The following MYLK variants were observed in gnomAD, a reference collection of about 807,000 sequenced individuals.
The protein encoded by MYLK is myosin light chain kinase, also known as myosin light chain kinase, smooth muscle.
Under a neutral mutation model 203.4 loss-of-function variants are expected in MYLK, and 106 were observed. The observed-to-expected ratio is 0.52, with a 90% CI of 0.45 to 0.61. The LOEUF (loss-of-function observed/expected upper bound fraction) is 0.61. Ranked by LOEUF, MYLK falls within the 20% of genes least tolerant of loss-of-function variation. The pLI, the probability that MYLK is intolerant of heterozygous loss-of-function variation, is 0.00. For missense variants in MYLK, 2,072 were observed against 2,442.3 expected (o/e 0.85, Z 3.20); for synonymous variants, 867 against 959.5 (o/e 0.90, Z 1.78).
At chr3:123,761,617 G>A (rs1278755489) in intron 4 of MYLK, among the ~76,000 whole-genome samples, 1 of 152,122 alleles carries the variant, frequency 6.6e-6, no homozygotes, top group Non-Finnish European at 1.5e-5. Context: ...GCTGCCCAAA[G>A]GCATCATGAT....
At chr3:123,882,903 G>C (rs2682229) in intron 1 of MYLK, among the ~76,000 whole-genome samples, 1 of 152,232 alleles carries the variant, frequency 6.6e-6, no homozygotes, top group South Asian at 2.1e-4. Flanking sequence ...AGAGAATCAC[G>C]GAAGAGAGAA....
chr3:123,681,967 T>C (rs1421080187), intron 20 of MYLK: 8 of 539,926 alleles, frequency 1.5e-5, no homozygotes, highest in South Asian at 9.9e-5. Flanking sequence ...GGGAGGTAGA[T>C]AGGAGCTCAG....
At chr3:123,725,437 T>C (rs1434585679) in intron 12 of MYLK, among the ~76,000 whole-genome samples, 1 of 152,202 alleles carries the variant, frequency 6.6e-6, no homozygotes, top group East Asian at 1.9e-4. Context: ...TCTATAGGAC[T>C]ATCAGTTTAA....
At chr3:123,694,137 G>A (rs931076941) in intron 18 of MYLK, among the ~76,000 whole-genome samples, 1 of 152,212 alleles carries the variant, frequency 6.6e-6, no homozygotes, top group Admixed American at 6.5e-5. Context: ...AAGGAAGGGT[G>A]TAATATTCCC....
At chr3:123,730,913 A>C (rs1014005348) in intron 11 of MYLK, among the ~76,000 whole-genome samples, 5 of 152,162 alleles carry the variant, frequency 3.3e-5, no homozygotes, top group Non-Finnish European at 7.3e-5. Context: ...ATGTTATGTG[A>C]ATTATATCTC....
chr3:123,682,985 C>T (rs1264217559), intron 19 of MYLK, among the ~76,000 whole-genome samples: 2 of 152,068 alleles, frequency 1.3e-5, no homozygotes, highest in African/African-American at 4.8e-5. Flanking sequence ...AGGCTCTGTT[C>T]CACACTCCCT....
intron 31 of MYLK, chr3:123,624,195 T>TA (rs1444639650): frequency 1.3e-5 from 2 of 152,048 alleles, no homozygotes; most frequent in Non-Finnish European, 2.9e-5. Flanking sequence ...TCTGGTGGCA[T>TA]ATGCCTGTAG....
intron 5 of MYLK, among the ~76,000 whole-genome samples, chr3:123,741,270 A>G (rs2062847071): frequency 6.6e-6 from 1 of 152,208 alleles, no homozygotes; most frequent in Non-Finnish European, 1.5e-5. Flanking sequence ...CACCCGGTTT[A>G]AGATTCCACC....
intron 8 of MYLK, among the ~76,000 whole-genome samples, chr3:123,736,312 C>A (rs936158437): frequency 2.6e-5 from 4 of 151,610 alleles, no homozygotes; most frequent in Non-Finnish European, 5.9e-5. Context: ...AATACCCAGG[C>A]CAAAAAAAGT....
At chr3:123,792,632 A>G (rs1351451354) in intron 4 of MYLK, among the ~76,000 whole-genome samples, 1 of 152,066 alleles carries the variant, frequency 6.6e-6, no homozygotes, top group African/African-American at 2.4e-5. Context: ...ATTCCTTTTT[A>G]TAGTCATCTA....
At chr3:123,638,716 G>T in intron 28 of MYLK, 3 of 982,462 alleles carry the variant, frequency 3.1e-6, no homozygotes, top group Non-Finnish European at 3.6e-6. Context: ...TCCAACTCCT[G>T]AGCCATGCTT....
chr3:123,763,303 C>CGGAA (rs2063593674), intron 4 of MYLK, among the ~76,000 whole-genome samples: 2 of 152,114 alleles, frequency 1.3e-5, no homozygotes, highest in Admixed American at 1.3e-4. Context: ...ATAACCCTCC[C>CGGAA]GGAACATTTT....
Position 123,657,261 on chromosome 3 carries a change from G to A in MYLK, c.4153C>T (p.Arg1385Cys), listed in dbSNP as rs373683421. The A allele has an allele frequency of 2.0e-5, 32 of 1,614,082 alleles. No homozygotes were observed. Among genetic ancestry groups the A allele is most frequent in the African/African-American group, 1.1e-4 (8 of 74,998 alleles). Residue 1385 changes from arginine (R) to cysteine (C), a missense_variant, in exon 24 of 34, where the codon CGC (arginine) becomes TGC (cysteine). Physicochemically the swap from Arg to Cys is radical, Grantham distance 180. Coordinates refer to ENST00000360304, the MANE Select transcript of MYLK (RefSeq NM_053025.4). ...NKTWKELATCRSTSFNVQDLL... is the reference protein window; with the variant it reads ...NKTWKELATCCSTSFNVQDLL... ...TCCTGGACGTTGAAAGAGGTGCTGC[G>A]GCATGTGGCTAGTTCCTTCCACGTC...
At chr3:123,635,920 C>G (rs189152883) in intron 29 of MYLK, among the ~76,000 whole-genome samples, 1 of 152,184 alleles carries the variant, frequency 6.6e-6, no homozygotes, top group African/African-American at 2.4e-5. Flanking sequence ...AATAAACAGT[C>G]TACAATGACA....
intron 2 of MYLK, among the ~76,000 whole-genome samples, chr3:123,831,943 T>C (rs6790975): frequency 0.032 from 4,880 of 152,208 alleles, 106 homozygotes; most frequent in Non-Finnish European, 0.047. Flanking sequence ...TCAGGGTAGA[T>C]TGCAGGGTCT....
At chr3:123,635,255 G>T (rs1413336915) in intron 29 of MYLK, among the ~76,000 whole-genome samples, 1 of 152,256 alleles carries the variant, frequency 6.6e-6, no homozygotes, top group Non-Finnish European at 1.5e-5. Flanking sequence ...GGCCACCAGA[G>T]AGCCTCTTTT....
intron 1 of MYLK, among the ~76,000 whole-genome samples, chr3:123,883,281 G>A (rs534966615): frequency 6.6e-6 from 1 of 151,802 alleles, no homozygotes; most frequent in East Asian, 1.9e-4. Context: ...AACGGCCTGA[G>A]GTCTGGCATC....
intron 16 of MYLK, 118 bp downstream of exon 16, chr3:123,707,636 C>T: frequency 1.3e-6 from 2 of 1,522,702 alleles, no homozygotes; most frequent in Non-Finnish European, 1.8e-6. Flanking sequence ...ACTTGCTTTA[C>T]CTGGAAGTCC....
At chr3:123,617,182 A>T (rs1389203832) in intron 33 of MYLK, 1 of 152,212 alleles carries the variant, frequency 6.6e-6, no homozygotes, top group Non-Finnish European at 1.5e-5. Flanking sequence ...TTCTCATCAG[A>T]GCCCCAGGCA....
Sources: gnomAD v4.1 joint callset for allele counts (sites outside exome capture counted in the v4.1 genomes callset) on GRCh38, gnomAD v4.1.1 for gene constraint, MANE v1.5 for transcripts, NCBI Gene and HGNC (gene_info 2026-07-23, HGNC 2026-07-21) for gene names.